Variants in NTAQ1 observed in about 807,000 individuals in gnomAD.
The protein encoded by NTAQ1 is N-terminal glutamine amidase 1, also known as protein N-terminal glutamine amidohydrolase.
In NTAQ1, 21 loss-of-function variants were observed where a neutral mutation model predicts 28.2. That is an observed-to-expected ratio of 0.74 (90% CI 0.53 to 1.07). The LOEUF is 1.07. Ranked by LOEUF, NTAQ1 falls within the 50% of genes least tolerant of loss-of-function variation. The pLI, the probability that NTAQ1 is intolerant of heterozygous loss-of-function variation, is 0.00. For missense variants in NTAQ1, 264 were observed against 256.6 expected (o/e 1.03, Z -0.20); for synonymous variants, 105 against 90.0 (o/e 1.17, Z -0.94).
chr8:123,445,729 C>T (rs180923709), downstream of NTAQ1, among the ~76,000 whole-genome samples: 11 of 152,242 alleles, frequency 7.2e-5, no homozygotes, highest in East Asian at 1.7e-3. Flanking sequence ...CCTCAGCCTC[C>T]GCATTAGCTG....
chr8:123,439,351 T>C (rs1430274487), intron 5 of NTAQ1, among the ~76,000 whole-genome samples: 1 of 151,228 alleles, frequency 6.6e-6, no homozygotes, highest in African/African-American at 2.4e-5. Context: ...GCTAGTTTTT[T>C]TTTTTTTTTG....
In NTAQ1 at chr8:123,441,448, T is replaced by C. The variant is rs1382197707; in HGVS notation, c.*33T>C. The C allele has an allele frequency of 1.3e-6, 2 of 1,527,834 alleles. No individual in the cohort carries two copies. The highest frequency in any genetic ancestry group is 9.0e-7 in the Non-Finnish European group (1 of 1,111,444). 94.6% of individuals were successfully genotyped at this position (1,527,834 alleles called of 1,614,324 possible). Reference sequence around the variant, plus strand: ...CTCAAGATGTGGAACTGTGGAGAAATTCTAGGACATGAACAAGCTATCCTT... The same window carrying C: ...CTCAAGATGTGGAACTGTGGAGAAACTCTAGGACATGAACAAGCTATCCTT... On this transcript the variant is annotated 3_prime_UTR_variant, in exon 6 of 6. Transcript: ENST00000287387.
chr8:123,439,537 G>A (rs1471745455), intron 5 of NTAQ1, among the ~76,000 whole-genome samples: 2 of 149,670 alleles, frequency 1.3e-5, no homozygotes, highest in Non-Finnish European at 2.9e-5. Flanking sequence ...TAGTAGAGAT[G>A]GGGTCTTACC....
intron 6 of NTAQ1, among the ~76,000 whole-genome samples, chr8:123,447,439 T>G (rs1218060488): frequency 6.6e-6 from 1 of 152,208 alleles, no homozygotes; most frequent in Non-Finnish European, 1.5e-5. Context: ...AGAAACTAAC[T>G]AATAGAGCTC....
exon 7 of NTAQ1, among the ~76,000 whole-genome samples, chr8:123,468,386 C>T (rs976294550): frequency 6.6e-6 from 1 of 152,152 alleles, no homozygotes; most frequent in African/African-American, 2.4e-5. Flanking sequence ...TCTCCATATC[C>T]CCCCACTAAC....
At chr8:123,443,314 C>A (rs1217032101), downstream of NTAQ1, among the ~76,000 whole-genome samples, 1 of 152,326 alleles carries the variant, frequency 6.6e-6, no homozygotes, top group Non-Finnish European at 1.5e-5. Flanking sequence ...GCCACCGCAC[C>A]CGGCCAAATT....
chr8:123,472,155 T>C (rs144550014), downstream of NTAQ1, among the ~76,000 whole-genome samples: 5 of 152,138 alleles, frequency 3.3e-5, no homozygotes, highest in East Asian at 9.7e-4. Flanking sequence ...GAGTTGTGAG[T>C]GGGGACAGAA....
chr8:123,453,087 C>T (rs72709010), downstream of NTAQ1, among the ~76,000 whole-genome samples: 27,815 of 152,086 alleles, frequency 0.18, 2,968 homozygotes, highest in Non-Finnish European at 0.25. Context: ...ACAGTCACAC[C>T]GTTCTGGCAC....
At chr8:123,417,629 T>C (rs1813380702) in intron 1 of NTAQ1, among the ~76,000 whole-genome samples, 1 of 152,158 alleles carries the variant, frequency 6.6e-6, no homozygotes. Context: ...TACTCTTTCC[T>C]GAGTAATGGC....
At chr8:123,468,903 T>G (rs866102205) in exon 7 of NTAQ1, among the ~76,000 whole-genome samples, 5 of 152,232 alleles carry the variant, frequency 3.3e-5, no homozygotes, top group African/African-American at 9.6e-5. Context: ...TTTCTTTTCA[T>G]AGTGGGCATC....
At chr8:123,431,458 G>A (rs1814389037) in intron 3 of NTAQ1, among the ~76,000 whole-genome samples, 1 of 151,978 alleles carries the variant, frequency 6.6e-6, no homozygotes, top group South Asian at 2.1e-4. Flanking sequence ...TTAAAATTAT[G>A]TATCATTTGA....
chr8:123,445,692 G>A (rs113884913), downstream of NTAQ1, among the ~76,000 whole-genome samples: 2,834 of 152,178 alleles, frequency 0.019, 97 homozygotes, highest in African/African-American at 0.064. Context: ...TGTAGCCTCC[G>A]CCTCCCGGGT....
intron 6 of NTAQ1, among the ~76,000 whole-genome samples, chr8:123,464,913 C>A (rs1448335747): frequency 2.0e-5 from 3 of 152,144 alleles, no homozygotes; most frequent in Non-Finnish European, 4.4e-5. Flanking sequence ...TATCATGCGC[C>A]TGTAATCCTA....
chr8:123,451,042 G>T (rs553160941), downstream of NTAQ1, among the ~76,000 whole-genome samples: 13 of 152,322 alleles, frequency 8.5e-5, no homozygotes, highest in African/African-American at 2.2e-4. Context: ...CTCTGCTACT[G>T]CTGGCCCATT....
chr8:123,467,186 A>C (rs1394275861), exon 7 of NTAQ1: 4 of 151,340 alleles, frequency 2.6e-5, no homozygotes, highest in African/African-American at 4.9e-5. Flanking sequence ...ACAGGCATGC[A>C]CCACCATGCC....
At chr8:123,457,293 C>A (rs1422892444) in intron 6 of NTAQ1, among the ~76,000 whole-genome samples, 2 of 152,000 alleles carry the variant, frequency 1.3e-5, no homozygotes, top group African/African-American at 4.8e-5. Context: ...TCTGAAACTC[C>A]TGACTTCAAG....
At chr8:123,417,971 G>A (rs1813410163) in intron 1 of NTAQ1, among the ~76,000 whole-genome samples, 1 of 152,068 alleles carries the variant, frequency 6.6e-6, no homozygotes. Context: ...CTATTTTTCT[G>A]TCCTGCCTCT....
At chr8:123,438,177 G>T (rs1243807523) in intron 5 of NTAQ1, 1 of 702,052 alleles carries the variant, frequency 1.4e-6, no homozygotes, top group East Asian at 2.7e-5. Context: ...AGAAGATAAA[G>T]GGTCCTTCAC....
chr8:123,437,533 C>T (rs766693711), intron 5 of NTAQ1, among the ~76,000 whole-genome samples, 199 bp downstream of exon 5: 27 of 152,048 alleles, frequency 1.8e-4, no homozygotes, highest in Non-Finnish European at 3.1e-4. Flanking sequence ...GAAACCCTGT[C>T]TCTACTAAAA....
Sources: allele counts gnomAD v4.1 joint callset (sites outside exome capture counted in the v4.1 genomes callset), GRCh38; gene constraint gnomAD v4.1.1; transcripts MANE v1.5; gene names NCBI Gene and HGNC (gene_info 2026-07-23, HGNC 2026-07-21).